The following PALM2AKAP2 variants were observed in gnomAD, a reference collection of about 807,000 sequenced individuals.
PALM2AKAP2 encodes the protein PALM2-AKAP2 fusion protein.
PALM2AKAP2 carries 37 observed loss-of-function variants against 71.5 expected under a neutral mutation model. The ratio of observed to expected loss-of-function variants is 0.52; its 90% CI spans 0.40 to 0.68. PALM2AKAP2 has a LOEUF of 0.68. PALM2AKAP2 is among the 30% of genes least tolerant of loss of function. The pLI, the probability that PALM2AKAP2 is intolerant of heterozygous loss-of-function variation, is 0.00. For synonymous variants in PALM2AKAP2, 468 were observed against 478.8 expected (o/e 0.98, Z 0.29); for missense variants, 1,224 against 1,191.8 (o/e 1.03, Z -0.40).
intron 3 of PALM2AKAP2, among the ~76,000 whole-genome samples, chr9:109,921,743 A>G (rs575164297): frequency 4.6e-5 from 7 of 152,306 alleles, no homozygotes; most frequent in Admixed American, 1.3e-4. Flanking sequence ...TGACTAATGC[A>G]TGAAGTGAAA....
At chr9:109,727,524 A>T (rs1394201860) in intron 1 of PALM2AKAP2, among the ~76,000 whole-genome samples, 1 of 152,220 alleles carries the variant, frequency 6.6e-6, no homozygotes, top group Admixed American at 6.5e-5. Flanking sequence ...TGATCTCTTC[A>T]GCAGAGCTGA....
chr9:109,755,217 A>T (rs148704324), intron 1 of PALM2AKAP2, among the ~76,000 whole-genome samples: 2 of 152,152 alleles, frequency 1.3e-5, no homozygotes, highest in East Asian at 3.9e-4. Context: ...TTCCCTGCTC[A>T]CACTCCTCCA....
Position 109,977,535 on chromosome 9 carries a change from C to T in PALM2AKAP2, c.497-38419C>T, listed in dbSNP as rs116087158. Among the ~76,000 whole-genome samples, 299 of 152,256 alleles carry T rather than the reference C, an allele frequency of 2.0e-3. 1 individual carries two copies. The highest frequency in any genetic ancestry group is 6.8e-3 in the Middle Eastern group (2 of 294). Reference sequence around the variant, plus strand: ...TCAATGTGAGAAGGATCATGTGTTTCCTGATGGTTCTCTAGGCTCCACAGG... The same window carrying T: ...TCAATGTGAGAAGGATCATGTGTTTTCTGATGGTTCTCTAGGCTCCACAGG... On this transcript the variant is annotated intron_variant, in intron 6 of 9. Transcript: ENST00000302798.
At chr9:109,960,266 C>A (rs1372121566) in intron 6 of PALM2AKAP2, among the ~76,000 whole-genome samples, 1 of 152,212 alleles carries the variant, frequency 6.6e-6, no homozygotes, top group Non-Finnish European at 1.5e-5. Context: ...CCCCTGCACC[C>A]ACCCACCTTT....
intron 1 of PALM2AKAP2, among the ~76,000 whole-genome samples, chr9:109,804,212 T>C (rs918042882): frequency 3.9e-5 from 6 of 152,218 alleles, no homozygotes; most frequent in African/African-American, 1.4e-4. Context: ...CAGATTACCA[T>C]CTCCTGCAGT....
intron 1 of PALM2AKAP2, among the ~76,000 whole-genome samples, chr9:109,698,854 T>C (rs1489651845): frequency 6.6e-6 from 1 of 152,190 alleles, no homozygotes; most frequent in Non-Finnish European, 1.5e-5. Context: ...TATCTAGCCT[T>C]GAGGGGTAGA....
At chr9:110,027,670 T>C (rs981457144) in intron 7 of PALM2AKAP2, among the ~76,000 whole-genome samples, 23 of 152,190 alleles carry the variant, frequency 1.5e-4, no homozygotes, top group African/African-American at 5.5e-4. Flanking sequence ...GGATGTTGCT[T>C]CTCTACACGT....
intron 1 of PALM2AKAP2, among the ~76,000 whole-genome samples, chr9:109,695,179 A>G (rs904940970): frequency 2.6e-5 from 4 of 152,204 alleles, no homozygotes; most frequent in African/African-American, 9.6e-5. Context: ...TTGACTATTA[A>G]AATGTTTTAA....
chr9:109,918,501 C>T (rs1413681527), intron 3 of PALM2AKAP2, among the ~76,000 whole-genome samples: 1 of 152,206 alleles, frequency 6.6e-6, no homozygotes, highest in East Asian at 1.9e-4. Flanking sequence ...CCACAGCCTA[C>T]GGATCCTCAA....
chr9:110,076,608 A>G (rs1834330964), intron 1 of PALM2AKAP2, among the ~76,000 whole-genome samples: 1 of 151,236 alleles, frequency 6.6e-6, no homozygotes. Context: ...TTTGAAACAC[A>G]GGAGTATAAA....
intron 1 of PALM2AKAP2, among the ~76,000 whole-genome samples, chr9:109,660,673 T>C (rs1827379819): frequency 6.6e-6 from 1 of 152,184 alleles, no homozygotes; most frequent in South Asian, 2.1e-4. Context: ...GCATGTGTCT[T>C]TATAGTAGCA....
intron 1 of PALM2AKAP2, among the ~76,000 whole-genome samples, chr9:109,845,798 A>G (rs998254520): frequency 1.3e-5 from 2 of 152,168 alleles, no homozygotes; most frequent in East Asian, 1.9e-4. Flanking sequence ...TGATCCTCCC[A>G]CCTCATCTTC....
At chr9:110,101,143 G>A (rs1440418837) in intron 1 of PALM2AKAP2, among the ~76,000 whole-genome samples, 4 of 152,158 alleles carry the variant, frequency 2.6e-5, no homozygotes, top group Non-Finnish European at 5.9e-5. Flanking sequence ...TCTGGGGTCC[G>A]TTGCACAAGT....
At chr9:109,734,014 T>C (rs1478781743) in intron 1 of PALM2AKAP2, among the ~76,000 whole-genome samples, 3 of 152,208 alleles carry the variant, frequency 2.0e-5, no homozygotes, top group Admixed American at 1.3e-4. Context: ...GTTGAGTAAT[T>C]TGATGAAAGA....
At chr9:110,100,051 CTATA>C (rs71373968) in intron 1 of PALM2AKAP2, among the ~76,000 whole-genome samples, 5,893 of 109,462 alleles carry the variant, frequency 0.054, 469 homozygotes, top group African/African-American at 0.17. Flanking sequence ...GTATGTGTGT[CTATA>C]TATATATATA....
At chr9:110,118,540 T>C (rs1300022464) in intron 1 of PALM2AKAP2, among the ~76,000 whole-genome samples, 1 of 151,970 alleles carries the variant, frequency 6.6e-6, no homozygotes, top group Admixed American at 6.6e-5. Flanking sequence ...CAGCCACTGC[T>C]CCCAGCCTTC....
chr9:110,090,816 T>C lies in PALM2AKAP2; in HGVS notation c.156+41961T>C, dbSNP rs867307578. Among the ~76,000 whole-genome samples, 8 of 152,174 alleles carry C rather than the reference T, an allele frequency of 5.3e-5. No individual in the cohort carries two copies. In the East Asian group the frequency reaches 1.5e-3, roughly 29 times the overall value. On this transcript the variant is annotated intron_variant, in intron 1 of 3. Coordinates refer to ENST00000374525, the Ensembl canonical transcript of PALM2AKAP2. Reference sequence around the variant, plus strand: ...GCATCAGTAGAAATGTTCTCTGGGATTTTTTTACCTGATGTTTTAATGCTG... The same window carrying C: ...GCATCAGTAGAAATGTTCTCTGGGACTTTTTTACCTGATGTTTTAATGCTG...
At chr9:109,942,883 G>A in intron 6 of PALM2AKAP2, 1 of 1,614,188 alleles carries the variant, frequency 6.2e-7, no homozygotes, top group Non-Finnish European at 8.5e-7. Context: ...AAGCACAAAG[G>A]ATGTAGAAGA....
chr9:109,924,966 T>G, intron 4 of PALM2AKAP2, 95 bp from the exon 5 acceptor site: 1 of 1,575,104 alleles, frequency 6.3e-7, no homozygotes, highest in Non-Finnish European at 8.7e-7. Flanking sequence ...GGCTGGGGCA[T>G]GGGAGAAAGA....
Sources: gnomAD v4.1 joint callset for allele counts (sites outside exome capture counted in the v4.1 genomes callset) on GRCh38, gnomAD v4.1.1 for gene constraint, MANE v1.5 for transcripts, NCBI Gene and HGNC (gene_info 2026-07-23, HGNC 2026-07-21) for gene names.